Variants in OGFOD3 observed in about 807,000 individuals in gnomAD.
OGFOD3 encodes 2-oxoglutarate and iron dependent oxygenase domain containing 3, also known as 2-oxoglutarate and iron-dependent oxygenase domain-containing protein 3.
Under a neutral mutation model 39.8 loss-of-function variants are expected in OGFOD3, and 35 were observed. The observed-to-expected ratio is 0.88, with a 90% CI of 0.67 to 1.17. OGFOD3 has a LOEUF of 1.17. Ranked by LOEUF, OGFOD3 falls within the 50% of genes most tolerant of loss-of-function variation. The pLI, the probability that OGFOD3 is intolerant of heterozygous loss-of-function variation, is 0.00. For synonymous variants in OGFOD3, 200 were observed against 192.0 expected, an observed-to-expected ratio of 1.04 and a Z score of -0.34; for missense variants, 438 against 454.5, an observed-to-expected ratio of 0.96 and a Z score of 0.33.
intron 2 of OGFOD3, among the ~76,000 whole-genome samples, chr17:82,414,883 C>G (rs111795131): frequency 0.021 from 3,252 of 152,274 alleles, 50 homozygotes; most frequent in Non-Finnish European, 0.032. Flanking sequence ...CCGGTCAGAC[C>G]TGCTCCGAGG....
chr17:82,411,701 C>T (rs930513822), intron 2 of OGFOD3, 171 bp from the exon 3 acceptor site: 4 of 568,032 alleles, frequency 7.0e-6, no homozygotes, highest in Admixed American at 6.6e-5. Flanking sequence ...CTGGAGTTCA[C>T]GTCTCACTGG....
chr17:82,406,828 C>T lies in OGFOD3; in HGVS notation c.424-346G>A, dbSNP rs867215805. Reference sequence around the variant, plus strand: ...TATTACCTAGGCTGGTCTCGAACTCCGGGGCTCAAGTGATCCTCCCACCTC... The same window carrying T: ...TATTACCTAGGCTGGTCTCGAACTCTGGGGCTCAAGTGATCCTCCCACCTC... On this transcript the variant is annotated intron_variant, in intron 4 of 8. Transcript: ENST00000313056. This position sits in a 1 kb window ranked among gnomAD's most constrained non-coding sequence, Gnocchi z 5.2. Among the ~76,000 whole-genome samples, 3 of 152,110 alleles carry T rather than the reference C, an allele frequency of 2.0e-5. No homozygotes were observed. Among genetic ancestry groups the T allele is most frequent in the Admixed American group, 6.5e-5 (1 of 15,270 alleles).
intron 2 of OGFOD3, among the ~76,000 whole-genome samples, chr17:82,413,455 T>G (rs2052985665): frequency 6.6e-6 from 1 of 152,118 alleles, no homozygotes; most frequent in Non-Finnish European, 1.5e-5. Flanking sequence ...TGATGAGAAT[T>G]TGTGCACACG....
chr17:82,401,631 C>T (rs1567868608), intron 7 of OGFOD3, among the ~76,000 whole-genome samples: 2 of 150,998 alleles, frequency 1.3e-5, no homozygotes, highest in South Asian at 4.2e-4. Flanking sequence ...TGGTGAAACC[C>T]CGTCTCTACT....
Position 82,406,700 on chromosome 17 carries a change from G to A in OGFOD3, c.424-218C>T, listed in dbSNP as rs1437782422. 2.0e-5 allele frequency among the ~76,000 whole-genome samples: 3 copies of A among 152,082 alleles called. No homozygotes were observed. The highest frequency in any genetic ancestry group is 1.3e-4 in the Admixed American group (2 of 15,262). ...GCTCATTGCAGCCTCAATATTCCAG[G>A]CTCCAGGCCAAACAATCCTCCCACC... On this transcript the variant is annotated intron_variant, in intron 4 of 8. Coordinates refer to ENST00000313056, the MANE Select transcript of OGFOD3 (RefSeq NM_024648.3). The surrounding 1 kb of genome is among the most constrained non-coding windows in gnomAD (Gnocchi z 5.2).
chr17:82,403,815 C>T (rs2052805056), intron 7 of OGFOD3, 122 bp downstream of exon 7: 2 of 1,324,408 alleles, frequency 1.5e-6, no homozygotes, highest in Admixed American at 2.0e-5. Flanking sequence ...ACTCACCCTG[C>T]CCACGGGCAC....
intron 3 of OGFOD3, among the ~76,000 whole-genome samples, chr17:82,410,416 A>C (rs2052923992): frequency 6.6e-6 from 1 of 152,240 alleles, no homozygotes; most frequent in South Asian, 2.1e-4. Context: ...CAGTAAGAAA[A>C]GTCCAGCACC....
chr17:82,412,238 G>A (rs190933129), intron 2 of OGFOD3, among the ~76,000 whole-genome samples: 125 of 152,140 alleles, frequency 8.2e-4, no homozygotes, highest in Non-Finnish European at 1.5e-3. Context: ...CGGAGGCTGA[G>A]AGGGAAGAGG....
At chr17:82,407,524 T>C (rs528899417) in intron 4 of OGFOD3, among the ~76,000 whole-genome samples, 1 of 152,346 alleles carries the variant, frequency 6.6e-6, no homozygotes, top group African/African-American at 2.4e-5. Flanking sequence ...AAGCCACTGC[T>C]GAAGTGTTTC....
chr17:82,398,469 G>A (rs577959955), intron 7 of OGFOD3, 150 bp from the exon 8 acceptor site: 112 of 919,578 alleles, frequency 1.2e-4, no homozygotes, highest in Non-Finnish European at 1.6e-4. Context: ...ATGCGATCTC[G>A]GCTCACTGCA....
intron 1 of OGFOD3, 165 bp downstream of exon 1, chr17:82,418,247 C>T: frequency 2.3e-6 from 1 of 441,542 alleles, no homozygotes; most frequent in Non-Finnish European, 3.8e-6. Context: ...CTGCTCCCAG[C>T]ATGGGCTGCG....
At chr17:82,398,008 T>C (rs2052704049) in intron 8 of OGFOD3, among the ~76,000 whole-genome samples, 188 bp downstream of exon 8, 1 of 151,990 alleles carries the variant, frequency 6.6e-6, no homozygotes. Flanking sequence ...ACCTCAGACA[T>C]GTGGCCCCGT....
chr17:82,411,013 C>A (rs1599701789), intron 3 of OGFOD3, among the ~76,000 whole-genome samples: 1 of 151,390 alleles, frequency 6.6e-6, no homozygotes, highest in African/African-American at 2.4e-5. Flanking sequence ...AGCCACCGCA[C>A]CCAGCCTGGA....
Position 82,414,803 on chromosome 17 carries a change from T to G in OGFOD3, c.304+595A>C, listed in dbSNP as rs74001681. Among the ~76,000 whole-genome samples, 844 of 152,046 alleles carry G rather than the reference T, an allele frequency of 5.6e-3. 9 individuals are homozygous for G. Among genetic ancestry groups the G allele is most frequent in the African/African-American group, 0.019 (792 of 41,492 alleles). ...CTGGACTTTTAAAACTAAGAATATA[T>G]CCAGGTGGCATGGAATGTTCAAGAA... On this transcript the variant is annotated intron_variant, in intron 2 of 8. Transcript: ENST00000313056.
chr17:82,403,812 C>T (rs528156827), intron 7 of OGFOD3, 125 bp downstream of exon 7: 10 of 1,324,652 alleles, frequency 7.5e-6, no homozygotes, highest in Non-Finnish European at 1.0e-5. Context: ...CGCACTCACC[C>T]TGCCCACGGG....
chr17:82,399,991 C>T (rs1446508397), intron 7 of OGFOD3, among the ~76,000 whole-genome samples: 1 of 152,220 alleles, frequency 6.6e-6, no homozygotes, highest in Non-Finnish European at 1.5e-5. Flanking sequence ...TCACACACAA[C>T]AGAGCCTCGT....
At position 82,392,484 on chromosome 17, in the gene OGFOD3, TCTC is replaced by T. The variant is rs1470442233; in HGVS notation, c.871_873del (p.Glu291del). The T allele has an allele frequency of 6.2e-7, 1 of 1,608,508 alleles. No homozygotes were observed. Reference sequence around the variant, plus strand: ...GCGTAACGGGTGCCCCAGTGGACCTTCTCCACGCGGTGTAGGTTCTCGGACCCC... The same window carrying T: ...GCGTAACGGGTGCCCCAGTGGACCTTCACGCGGTGTAGGTTCTCGGACCCC... On this transcript the variant is annotated inframe_deletion, in exon 9 of 9. Coordinates refer to ENST00000313056, the MANE Select transcript of OGFOD3 (RefSeq NM_024648.3). This position sits in a 1 kb window ranked among gnomAD's most constrained non-coding sequence, Gnocchi z 4.2.
At chr17:82,402,123 T>G (rs949277030) in intron 7 of OGFOD3, among the ~76,000 whole-genome samples, 3 of 152,166 alleles carry the variant, frequency 2.0e-5, no homozygotes, top group Admixed American at 1.3e-4. Flanking sequence ...AGCCGTGCTT[T>G]ACTTTTATCT....
At position 82,390,529 on chromosome 17, in the gene OGFOD3, A is replaced by G. The variant is rs1335102456; in HGVS notation, c.*1869T>C. 1 of 154,170 alleles carries G rather than the reference A, an allele frequency of 6.5e-6. No homozygotes were observed. Among genetic ancestry groups the G allele is most frequent in the African/African-American group, 2.4e-5 (1 of 41,474 alleles). 9.6% of individuals were successfully genotyped at this position (154,170 alleles called of 1,614,324 possible). ...GCTCCAGTGTCCCACATCAGAGGCC[A>G]TGGGAGGGCGCGGGAGCCTCAGGGT... On this transcript the variant is annotated 3_prime_UTR_variant, in exon 9 of 9. Transcript: ENST00000313056. The surrounding 1 kb of genome is among the most constrained non-coding windows in gnomAD (Gnocchi z 4.9).
Sources: gnomAD v4.1 joint callset for allele counts (sites outside exome capture counted in the v4.1 genomes callset) on GRCh38, gnomAD v4.1.1 for gene constraint, Gnocchi (gnomAD v3.1) non-coding constraint, MANE v1.5 for transcripts, NCBI Gene and HGNC (gene_info 2026-07-23, HGNC 2026-07-21) for gene names.